SUZ12: variants seen among roughly 807,000 people sequenced by gnomAD.
SUZ12 encodes the protein SUZ12 polycomb repressive complex 2 subunit, also known as polycomb protein SUZ12.
Under a neutral mutation model 87.3 loss-of-function variants are expected in SUZ12, and 17 were observed. The ratio of observed to expected loss-of-function variants is 0.19; its 90% CI spans 0.13 to 0.29. The LOEUF is 0.29. SUZ12 is among the 10% of genes least tolerant of loss of function. The probability of loss-of-function intolerance (pLI) is 1.00; values close to 1 mark genes in which losing one functional copy is unlikely to be tolerated. For missense variants in SUZ12, 526 were observed against 912.2 expected, an observed-to-expected ratio of 0.58 and a Z score of 5.45; for synonymous variants, 253 against 312.4, an observed-to-expected ratio of 0.81 and a Z score of 2.01.
intron 5 of SUZ12, among the ~76,000 whole-genome samples, chr17:31,968,999 G>GAA (rs776786814): frequency 2.7e-4 from 41 of 152,258 alleles, no homozygotes; most frequent in Non-Finnish European, 5.1e-4. Context: ...TCTGTTTCCA[G>GAA]AAAATAATTC....
chr17:31,939,457 GATCTGTATTAGGATGTCATCAT>G (rs1002400249), intron 1 of SUZ12, among the ~76,000 whole-genome samples: 4 of 150,296 alleles, frequency 2.7e-5, no homozygotes, highest in African/African-American at 7.3e-5. Context: ...GGAATGTCTG[GATCTGTATTAGGATGTCATCAT>G]ATCTGTATTA....
At chr17:31,956,978 G>GT (rs1411712502) in intron 4 of SUZ12, among the ~76,000 whole-genome samples, 1 of 152,140 alleles carries the variant, frequency 6.6e-6, no homozygotes, top group Non-Finnish European at 1.5e-5. Flanking sequence ...TTTTCACTGT[G>GT]TTAGCCAATC....
intron 5 of SUZ12, among the ~76,000 whole-genome samples, chr17:31,968,984 A>G (rs1406476233): frequency 6.6e-6 from 1 of 152,126 alleles, no homozygotes; most frequent in African/African-American, 2.4e-5. Flanking sequence ...AACTCTGTTG[A>G]TATCTCTGTT....
chr17:31,941,791 C>T (rs1274978177), intron 3 of SUZ12, among the ~76,000 whole-genome samples: 2 of 151,720 alleles, frequency 1.3e-5, no homozygotes, highest in African/African-American at 2.4e-5. Flanking sequence ...CGTCAGGATC[C>T]GCCTGCCTCG....
At chr17:31,995,490 T>C (rs996191239) in intron 13 of SUZ12, 74 bp from the exon 14 acceptor site, 1 of 1,222,376 alleles carries the variant, frequency 8.2e-7, no homozygotes, top group African/African-American at 1.5e-5. Flanking sequence ...TTATCACAGA[T>C]CTCAACTCCT....
intron 9 of SUZ12, among the ~76,000 whole-genome samples, chr17:31,987,915 G>T (rs1017460701): frequency 2.6e-5 from 4 of 151,746 alleles, no homozygotes; most frequent in African/African-American, 7.3e-5. Context: ...CACTAGCCTG[G>T]GCGACAAGAG....
chr17:31,968,020 G>A (rs1346555613), intron 5 of SUZ12, among the ~76,000 whole-genome samples: 1 of 152,144 alleles, frequency 6.6e-6, no homozygotes, highest in Non-Finnish European at 1.5e-5. Flanking sequence ...GGGCACAGTG[G>A]CACATGCCTG....
chr17:31,947,823 A>G, intron 4 of SUZ12, 138 bp downstream of exon 4: 2 of 799,622 alleles, frequency 2.5e-6, no homozygotes, highest in South Asian at 2.0e-5. Flanking sequence ...AAACTCACAC[A>G]CAAGTCAGAA....
chr17:31,972,307 A>G (rs1908482204), intron 5 of SUZ12, among the ~76,000 whole-genome samples: 1 of 151,188 alleles, frequency 6.6e-6, no homozygotes, highest in Admixed American at 6.6e-5. Context: ...GGAAATATAT[A>G]TATGTGTATA....
chr17:31,943,541 G>A (rs866871665), intron 3 of SUZ12, among the ~76,000 whole-genome samples: 1 of 152,140 alleles, frequency 6.6e-6, no homozygotes, highest in East Asian at 1.9e-4. Context: ...AGTGTTTTCT[G>A]TAATCAAATC....
rs1440879969 is a variant in SUZ12, at chr17:31,976,503, A to C, written c.824-18A>C. ...TTGTTCTAATATTTGATTTATGAGA[A>C]ATGTTTGTTAAATTTAGATGTCAAT... On this transcript the variant is annotated intron_variant, in intron 7 of 15. Coordinates refer to ENST00000322652, the MANE Select transcript of SUZ12 (RefSeq NM_015355.4). 1.3e-6 allele frequency: 2 copies of C among 1,599,218 alleles called. No homozygotes were observed. The highest frequency in any genetic ancestry group is 1.3e-5 in the African/African-American group (1 of 74,426).
intron 3 of SUZ12, among the ~76,000 whole-genome samples, chr17:31,945,023 G>C (rs1160180935): frequency 6.8e-6 from 1 of 147,676 alleles, no homozygotes. Context: ...GAATGTGCCG[G>C]TGCACTCTAG....
At chr17:31,970,520 C>T (rs1567825684) in intron 5 of SUZ12, among the ~76,000 whole-genome samples, 1 of 151,984 alleles carries the variant, frequency 6.6e-6, no homozygotes, top group Admixed American at 6.6e-5. Flanking sequence ...CCCAGCTACT[C>T]TGGAGATTGA....
intron 6 of SUZ12, among the ~76,000 whole-genome samples, chr17:31,974,372 A>C (rs544455662): frequency 6.6e-6 from 1 of 152,274 alleles, no homozygotes; most frequent in South Asian, 2.1e-4. Context: ...CTAAAAATAT[A>C]AAAAATTAGC....
chr17:31,952,208 A>C (rs968930450), intron 4 of SUZ12, among the ~76,000 whole-genome samples: 1 of 151,762 alleles, frequency 6.6e-6, no homozygotes, highest in East Asian at 1.9e-4. Context: ...CTACAGGTGC[A>C]TGCCACCATG....
At position 32,000,535 on chromosome 17, in the gene SUZ12, C is replaced by T. The variant is rs1462193197; in HGVS notation, c.*1532C>T. On this transcript the variant is annotated 3_prime_UTR_variant, in exon 16 of 16. Coordinates refer to ENST00000322652, the MANE Select transcript of SUZ12 (RefSeq NM_015355.4). ...CAGATTCCTTGATTGGTAAGCTCTC[C>T]AAATGATGAGTTCTAGTAAACTCTG... The T allele has an allele frequency of 4.3e-6, 1 of 231,288 alleles. No homozygotes were observed. The highest frequency in any genetic ancestry group is 8.5e-6 in the Non-Finnish European group (1 of 117,324). The allele number at this position is 231,288 out of a possible 1,614,324, so 14.3% of individuals were successfully genotyped here. A position where few individuals can be genotyped will look rare whatever the true frequency, so the allele number is the denominator to read the frequency against.
At chr17:31,954,653 G>GT (rs1907200276) in intron 4 of SUZ12, among the ~76,000 whole-genome samples, 1 of 150,336 alleles carries the variant, frequency 6.7e-6, no homozygotes, top group African/African-American at 2.5e-5. Flanking sequence ...TAAGAAAACT[G>GT]TGAGTGTATA....
rs894270084 is a variant in SUZ12 at position 31,999,342 on chromosome 17, C to T, written c.*339C>T. The T allele has an allele frequency of 4.7e-5, 11 of 236,208 alleles. No individual in the cohort carries two copies. The highest frequency in any genetic ancestry group is 2.4e-4 in the East Asian group (4 of 16,348). The allele number at this position is 236,208 out of a possible 1,614,324, so 14.6% of individuals were successfully genotyped here. On this transcript the variant is annotated 3_prime_UTR_variant, in exon 16 of 16. Transcript: ENST00000322652. Reference sequence around the variant, plus strand: ...ATCAGAATTTTTTTGCATTTATGAACGGCTGTTTTTCTACTTTGTAATTGT... The same window carrying T: ...ATCAGAATTTTTTTGCATTTATGAATGGCTGTTTTTCTACTTTGTAATTGT...
At chr17:31,998,509 T>C (rs1302846607) in intron 15 of SUZ12, 149 bp from the exon 16 acceptor site, 2 of 571,470 alleles carry the variant, frequency 3.5e-6, no homozygotes, top group African/African-American at 1.9e-5. Context: ...ATTCAGATGA[T>C]TGAATTTCAG....
Sources: gnomAD v4.1 joint callset for allele counts (sites outside exome capture counted in the v4.1 genomes callset) on GRCh38, gnomAD v4.1.1 for gene constraint, MANE v1.5 for transcripts, NCBI Gene and HGNC (gene_info 2026-07-23, HGNC 2026-07-21) for gene names.